Variants in PPFIA2 observed in about 807,000 individuals in gnomAD.
PPFIA2 encodes liprin-alpha-2.
In PPFIA2, 46 loss-of-function variants were observed where a neutral mutation model predicts 175.5. The observed-to-expected ratio is 0.26, with a 90% CI of 0.21 to 0.34. PPFIA2 has a LOEUF of 0.34. Ranked by LOEUF, PPFIA2 falls within the 10% of genes least tolerant of loss-of-function variation. The pLI is 1.00. For synonymous variants in PPFIA2, 568 were observed against 511.4 expected, an observed-to-expected ratio of 1.11 and a Z score of -1.49; for missense variants, 1,179 against 1,506.1, an observed-to-expected ratio of 0.78 and a Z score of 3.60.
intron 4 of PPFIA2, among the ~76,000 whole-genome samples, chr12:81,580,836 T>A (rs1393578637): frequency 6.6e-6 from 1 of 151,832 alleles, no homozygotes; most frequent in African/African-American, 2.4e-5. Context: ...AGACATTTAT[T>A]GAACACCCAC....
intron 4 of PPFIA2, among the ~76,000 whole-genome samples, chr12:81,615,825 G>C (rs1187277343): frequency 6.6e-6 from 1 of 152,166 alleles, no homozygotes; most frequent in Non-Finnish European, 1.5e-5. Flanking sequence ...AAGAAAGGAG[G>C]AATAGGAATA....
At chr12:81,451,030 T>C (rs74104281) in intron 5 of PPFIA2, among the ~76,000 whole-genome samples, 25,900 of 152,004 alleles carry the variant, frequency 0.17, 2,388 homozygotes, top group Middle Eastern at 0.24. Context: ...AGGTTTATAA[T>C]TGGAATTCAT....
chr12:81,481,533 C>T (rs1401514286), intron 4 of PPFIA2, among the ~76,000 whole-genome samples: 1 of 151,880 alleles, frequency 6.6e-6, no homozygotes, highest in Non-Finnish European at 1.5e-5. Flanking sequence ...GGTACTGGTA[C>T]CAAAAAAAAT....
chr12:81,757,265 T>G (rs573508876), intron 2 of PPFIA2, among the ~76,000 whole-genome samples: 5 of 152,210 alleles, frequency 3.3e-5, no homozygotes, highest in Non-Finnish European at 7.3e-5. Flanking sequence ...TCTAGTGCGT[T>G]TCACCCAGAT....
At chr12:81,485,304 T>A (rs2058694861) in intron 4 of PPFIA2, among the ~76,000 whole-genome samples, 1 of 151,822 alleles carries the variant, frequency 6.6e-6, no homozygotes, top group African/African-American at 2.4e-5. Flanking sequence ...GGTTATGTTT[T>A]TCTTTTCATC....
At chr12:81,534,355 T>G (rs1477349215) in intron 4 of PPFIA2, among the ~76,000 whole-genome samples, 1 of 151,706 alleles carries the variant, frequency 6.6e-6, no homozygotes, top group East Asian at 1.9e-4. Context: ...TCCCACCACA[T>G]AAAATTGAGA....
intron 4 of PPFIA2, among the ~76,000 whole-genome samples, chr12:81,563,851 C>T (rs2070718348): frequency 6.6e-6 from 1 of 152,076 alleles, no homozygotes; most frequent in African/African-American, 2.4e-5. Flanking sequence ...ATGGTCCCAG[C>T]ATTTGTGAGG....
chr12:81,422,064 A>G (rs1262506827), intron 7 of PPFIA2, among the ~76,000 whole-genome samples: 1 of 149,754 alleles, frequency 6.7e-6, no homozygotes, highest in African/African-American at 2.4e-5. Flanking sequence ...ATATATATAT[A>G]CGTGTGTGTG....
intron 4 of PPFIA2, among the ~76,000 whole-genome samples, chr12:81,618,567 CG>C (rs1325393712): frequency 8.0e-6 from 1 of 125,152 alleles, no homozygotes; most frequent in Non-Finnish European, 1.6e-5. Flanking sequence ...GTCGCTCTGT[CG>C]CCCAGGCTGG....
At chr12:81,531,182 G>T (rs2153276866) in intron 4 of PPFIA2, among the ~76,000 whole-genome samples, 1 of 151,974 alleles carries the variant, frequency 6.6e-6, no homozygotes, top group East Asian at 1.9e-4. Flanking sequence ...AGCCATGCCA[G>T]TAAATCAAAT....
intron 8 of PPFIA2, among the ~76,000 whole-genome samples, chr12:81,400,924 T>C (rs1159990535): frequency 6.6e-6 from 1 of 152,150 alleles, no homozygotes; most frequent in Non-Finnish European, 1.5e-5. Flanking sequence ...AGTGTCTCAG[T>C]CACTAATACA....
At chr12:81,685,447 C>G (rs964841172) in intron 3 of PPFIA2, among the ~76,000 whole-genome samples, 1 of 152,058 alleles carries the variant, frequency 6.6e-6, no homozygotes, top group African/African-American at 2.4e-5. Context: ...ATATCTCTTT[C>G]TTTACTTTGA....
At chr12:81,332,756 C>T (rs73354640) in intron 21 of PPFIA2, among the ~76,000 whole-genome samples, 4,555 of 152,102 alleles carry the variant, frequency 0.03, 213 homozygotes, top group African/African-American at 0.1. Flanking sequence ...GTTTCCTTTC[C>T]GGATCATCAG....
intron 4 of PPFIA2, among the ~76,000 whole-genome samples, chr12:81,570,614 C>T (rs1383812368): frequency 1.3e-5 from 2 of 151,492 alleles, no homozygotes; most frequent in Non-Finnish European, 2.9e-5. Context: ...AAAATTGAAG[C>T]ATTCTTTAAC....
intron 4 of PPFIA2, among the ~76,000 whole-genome samples, chr12:81,652,279 G>A (rs1427567414): frequency 6.7e-6 from 1 of 149,390 alleles, no homozygotes; most frequent in Admixed American, 6.8e-5. Context: ...ATACCATTGA[G>A]GTTTTCGGCT....
chr12:81,515,369 G>C (rs1170990511), intron 4 of PPFIA2, among the ~76,000 whole-genome samples: 2 of 151,890 alleles, frequency 1.3e-5, no homozygotes, highest in African/African-American at 4.8e-5. Context: ...ACACACTCTG[G>C]TAAATGCAAA....
At chr12:81,576,781 G>A (rs946746646) in intron 4 of PPFIA2, among the ~76,000 whole-genome samples, 1 of 151,712 alleles carries the variant, frequency 6.6e-6, no homozygotes, top group African/African-American at 2.4e-5. Context: ...TTAGGAAATT[G>A]GAAAGCATTT....
rs1456981950 is a variant in PPFIA2 at position 81,723,436 on chromosome 12, T to C, written c.249+30537A>G. Among the ~76,000 whole-genome samples, 3 of 151,028 alleles carry C rather than the reference T, an allele frequency of 2.0e-5. No individual in the cohort carries two copies. The Admixed American group carries it at 2.0e-4, about 10-fold the overall frequency. Reference sequence around the variant, plus strand: ...TAATAAGTCAAAAGTCAATGAACTTTCTTAAGATTCATGAAAACAATGACC... The same window carrying C: ...TAATAAGTCAAAAGTCAATGAACTTCCTTAAGATTCATGAAAACAATGACC... On this transcript the variant is annotated intron_variant, in intron 3 of 32. Coordinates refer to ENST00000549396, the MANE Select transcript of PPFIA2 (RefSeq NM_003625.5).
At chr12:81,355,569 T>C (rs1052770145) in intron 16 of PPFIA2, among the ~76,000 whole-genome samples, 2 of 152,234 alleles carry the variant, frequency 1.3e-5, no homozygotes, top group Non-Finnish European at 2.9e-5. Flanking sequence ...TTCATCTACA[T>C]TGAAAACCCA....
Sources: gnomAD v4.1 joint callset for allele counts (sites outside exome capture counted in the v4.1 genomes callset) on GRCh38, gnomAD v4.1.1 for gene constraint, MANE v1.5 for transcripts, NCBI Gene and HGNC (gene_info 2026-07-23, HGNC 2026-07-21) for gene names.